PLPPR1: variants seen among roughly 807,000 people sequenced by gnomAD.
PLPPR1 encodes phospholipid phosphatase-related protein type 1.
A neutral mutation model predicts 33.1 loss-of-function variants in PLPPR1; 10 were observed. The ratio of observed to expected loss-of-function variants is 0.30; its 90% CI spans 0.19 to 0.51. The LOEUF (loss-of-function observed/expected upper bound fraction) is 0.51. Ranked by LOEUF, PLPPR1 falls within the 20% of genes least tolerant of loss-of-function variation. The probability of loss-of-function intolerance (pLI) is 0.97; values close to 1 mark genes in which losing one functional copy is unlikely to be tolerated. For synonymous variants in PLPPR1, 151 were observed against 151.0 expected, an observed-to-expected ratio of 1.00 and a Z score of 0.00; for missense variants, 304 against 408.1, an observed-to-expected ratio of 0.74 and a Z score of 2.20.
chr9:101,055,637 T>C (rs1830270805), intron 1 of PLPPR1, among the ~76,000 whole-genome samples: 1 of 152,222 alleles, frequency 6.6e-6, no homozygotes, highest in Non-Finnish European at 1.5e-5. Context: ...ATAAAATCAC[T>C]TACAGATATT....
intron 2 of PLPPR1, among the ~76,000 whole-genome samples, chr9:101,196,333 TTGGCAA>T (rs1264663892): frequency 6.6e-6 from 1 of 152,214 alleles, no homozygotes; most frequent in Non-Finnish European, 1.5e-5. Context: ...AGAGAGTAGC[TTGGCAA>T]TGTTTAGCAA....
intron 3 of PLPPR1, among the ~76,000 whole-genome samples, chr9:101,270,481 C>T (rs527693052): frequency 1.3e-5 from 2 of 152,270 alleles, no homozygotes; most frequent in East Asian, 3.9e-4. Flanking sequence ...ATCCCTCAGG[C>T]CGATATTTCC....
chr9:101,071,948 A>G (rs1830486828), intron 1 of PLPPR1, among the ~76,000 whole-genome samples: 1 of 152,154 alleles, frequency 6.6e-6, no homozygotes, highest in South Asian at 2.1e-4. Context: ...TTGGAACAGA[A>G]TAGAAATACA....
At chr9:101,211,138 A>AAGAT (rs1390642791) in intron 2 of PLPPR1, among the ~76,000 whole-genome samples, 3 of 152,170 alleles carry the variant, frequency 2.0e-5, no homozygotes, top group East Asian at 3.9e-4. Flanking sequence ...ATGTTCAGAA[A>AAGAT]AGATAGGGGA....
intron 1 of PLPPR1, among the ~76,000 whole-genome samples, chr9:101,068,845 T>C (rs73656134): frequency 2.4e-3 from 367 of 152,242 alleles, no homozygotes; most frequent in African/African-American, 8.7e-3. Context: ...GAGTGTAGTA[T>C]ATCAACTTTG....
Position 101,260,510 on chromosome 9 carries a change from G to T in PLPPR1, c.64-9370G>T, listed in dbSNP as rs147785119. Among the ~76,000 whole-genome samples, 73 of 152,282 alleles carry T rather than the reference G, an allele frequency of 4.8e-4. 1 individual carries two copies. In the East Asian group the frequency reaches 0.013, roughly 27 times the overall value. ...ACTTTGGCAACTGACCAGGTATGGC[G>T]TGAAGAGAAAGCTAGGGGAAGGAGG... On this transcript the variant is annotated intron_variant, in intron 2 of 7. Transcript: ENST00000374874.
chr9:101,249,123 G>A (rs1337243614), intron 2 of PLPPR1, among the ~76,000 whole-genome samples: 2 of 152,084 alleles, frequency 1.3e-5, no homozygotes, highest in African/African-American at 4.8e-5. Context: ...GGATTTATCT[G>A]TAGCAAAAGA....
chr9:101,033,458 A>G (rs547593328), intron 1 of PLPPR1, among the ~76,000 whole-genome samples: 16 of 152,330 alleles, frequency 1.1e-4, no homozygotes, highest in African/African-American at 3.1e-4. Context: ...GTAAATGCCA[A>G]GTATTATTTT....
chr9:101,095,744 A>G lies in PLPPR1; in HGVS notation c.-46+66642A>G, dbSNP rs531775291. Among the ~76,000 whole-genome samples the G allele has an allele frequency of 2.3e-4, 35 of 152,226 alleles. No homozygotes were observed. In the South Asian group the frequency reaches 7.0e-3, roughly 31 times the overall value. On this transcript the variant is annotated intron_variant, in intron 1 of 7. Coordinates refer to ENST00000374874, the MANE Select transcript of PLPPR1 (RefSeq NM_207299.2). ...ACCACCAGTCTGACTCCAAACACCA[A>G]GCTCTTTCTCTGCATATTGGAGGAG...
intron 1 of PLPPR1, among the ~76,000 whole-genome samples, chr9:101,144,464 A>G (rs1015916549): frequency 1.3e-5 from 2 of 152,146 alleles, no homozygotes; most frequent in African/African-American, 2.4e-5. Context: ...CCCTAATCCA[A>G]TGATGGGTGT....
intron 1 of PLPPR1, among the ~76,000 whole-genome samples, chr9:101,091,863 G>A (rs1588024322): frequency 6.6e-6 from 1 of 152,012 alleles, no homozygotes; most frequent in African/African-American, 2.4e-5. Context: ...CTTGCAATTC[G>A]GATCTCATCA....
chr9:101,037,033 C>T (rs1830018802), intron 1 of PLPPR1, among the ~76,000 whole-genome samples: 1 of 152,074 alleles, frequency 6.6e-6, no homozygotes, highest in Admixed American at 6.5e-5. Context: ...TTTCAGATCA[C>T]CCCATAACCT....
chr9:101,206,090 C>G (rs1374787119), intron 2 of PLPPR1, among the ~76,000 whole-genome samples: 1 of 152,104 alleles, frequency 6.6e-6, no homozygotes, highest in African/African-American at 2.4e-5. Context: ...TTGTTAAAGT[C>G]TTAGTGAATA....
chr9:101,173,534 CT>C (rs1825976064), intron 1 of PLPPR1, among the ~76,000 whole-genome samples: 1 of 152,072 alleles, frequency 6.6e-6, no homozygotes, highest in Non-Finnish European at 1.5e-5. Flanking sequence ...TTGGGAAGCC[CT>C]TTGTTTCCCC....
chr9:101,128,310 A>G (rs1278081604), intron 1 of PLPPR1, among the ~76,000 whole-genome samples: 1 of 152,230 alleles, frequency 6.6e-6, no homozygotes, highest in Non-Finnish European at 1.5e-5. Flanking sequence ...ATGTATCTTT[A>G]TAGATTTTTG....
chr9:101,201,672 C>G (rs1298796219), intron 2 of PLPPR1, among the ~76,000 whole-genome samples: 1 of 152,156 alleles, frequency 6.6e-6, no homozygotes, highest in Non-Finnish European at 1.5e-5. Flanking sequence ...TAATCATTAG[C>G]TTACAAGACA....
intron 4 of PLPPR1, among the ~76,000 whole-genome samples, chr9:101,289,702 AT>A (rs1346041359): frequency 6.6e-6 from 1 of 152,160 alleles, no homozygotes; most frequent in Non-Finnish European, 1.5e-5. Context: ...TATGTATGAT[AT>A]GACTTGCTCC....
chr9:101,106,441 G>A (rs1174595645), intron 1 of PLPPR1, among the ~76,000 whole-genome samples: 1 of 125,070 alleles, frequency 8.0e-6, no homozygotes, highest in Non-Finnish European at 1.6e-5. Context: ...ATTCTGGGTT[G>A]AAAATTCTTT....
At chr9:101,257,088 A>C (rs1233823948) in intron 2 of PLPPR1, among the ~76,000 whole-genome samples, 14 of 152,106 alleles carry the variant, frequency 9.2e-5, no homozygotes, top group Admixed American at 9.2e-4. Context: ...AAATGACTGT[A>C]TGCCAAAATG....
Sources: gnomAD v4.1 joint callset for allele counts (sites outside exome capture counted in the v4.1 genomes callset) on GRCh38, gnomAD v4.1.1 for gene constraint, MANE v1.5 for transcripts, NCBI Gene and HGNC (gene_info 2026-07-23, HGNC 2026-07-21) for gene names.